Variants in ADK observed in about 807,000 individuals in gnomAD.
The protein encoded by ADK is adenosine kinase, also known as N6,N6-dimethyladenosine kinase.
In ADK, 24 loss-of-function variants were observed where a neutral mutation model predicts 44.7. The ratio of observed to expected loss-of-function variants is 0.54; its 90% CI spans 0.39 to 0.76. The LOEUF is 0.76. ADK is among the 30% of genes least tolerant of loss of function. The pLI is 0.00. For synonymous variants in ADK, 128 were observed against 142.6 expected, an observed-to-expected ratio of 0.90 and a Z score of 0.73; for missense variants, 321 against 425.1, an observed-to-expected ratio of 0.76 and a Z score of 2.15.
intron 1 of ADK, among the ~76,000 whole-genome samples, chr10:74,197,864 C>A (rs2132140874): frequency 6.6e-6 from 1 of 152,136 alleles, no homozygotes; most frequent in Non-Finnish European, 1.5e-5. Context: ...GGTAGATGTT[C>A]AAAGGTTTGA....
At chr10:74,291,600 A>G (rs1847440723) in intron 3 of ADK, among the ~76,000 whole-genome samples, 2 of 152,126 alleles carry the variant, frequency 1.3e-5, no homozygotes, top group African/African-American at 4.8e-5. Flanking sequence ...AATCTTAATG[A>G]TAATTGTCAG....
intron 7 of ADK, among the ~76,000 whole-genome samples, chr10:74,566,201 C>CTTTTTTTTTTT (rs772254919): frequency 1.8e-5 from 2 of 114,024 alleles, no homozygotes; most frequent in Non-Finnish European, 3.3e-5. Flanking sequence ...CTCTCTCTCT[C>CTTTTTTTTTTT]TTTTTTTTTT....
intron 2 of ADK, among the ~76,000 whole-genome samples, chr10:74,220,150 A>C (rs1170945655): frequency 6.6e-6 from 1 of 152,160 alleles, no homozygotes; most frequent in African/African-American, 2.4e-5. Context: ...AAAAGAAAGA[A>C]GAATCAAATA....
chr10:74,492,042 G>A (rs1014025398), intron 6 of ADK, among the ~76,000 whole-genome samples: 1 of 152,068 alleles, frequency 6.6e-6, no homozygotes, highest in African/African-American at 2.4e-5. Flanking sequence ...GCTATTGTAT[G>A]TATGTATGTA....
At chr10:74,531,658 C>T (rs566364925) in intron 7 of ADK, among the ~76,000 whole-genome samples, 4 of 152,174 alleles carry the variant, frequency 2.6e-5, no homozygotes, top group East Asian at 1.9e-4. Flanking sequence ...CTCAACCTCC[C>T]GAGAAGCTAG....
At chr10:74,592,981 A>G (rs879345752) in intron 8 of ADK, among the ~76,000 whole-genome samples, 4 of 152,246 alleles carry the variant, frequency 2.6e-5, no homozygotes, top group Admixed American at 6.5e-5. Flanking sequence ...AGGATAGAAC[A>G]TATGCATCAT....
At chr10:74,299,216 G>T (rs1030989074) in intron 3 of ADK, among the ~76,000 whole-genome samples, 3 of 151,812 alleles carry the variant, frequency 2.0e-5, no homozygotes, top group Non-Finnish European at 1.5e-5. Context: ...TGTGGAGGCC[G>T]GGCACAGTGG....
At chr10:74,500,835 A>T (rs1049438912) in intron 6 of ADK, among the ~76,000 whole-genome samples, 6 of 152,188 alleles carry the variant, frequency 3.9e-5, no homozygotes, top group Non-Finnish European at 5.9e-5. Context: ...TGCAGCAATC[A>T]GGATTTGCTT....
intron 10 of ADK, among the ~76,000 whole-genome samples, chr10:74,671,273 C>G (rs544808548): frequency 6.6e-6 from 1 of 151,290 alleles, no homozygotes; most frequent in East Asian, 1.9e-4. Flanking sequence ...TCTCAGCTCA[C>G]TGCAACCTCC....
chr10:74,626,302 A>AT (rs571501922), intron 9 of ADK, among the ~76,000 whole-genome samples: 5,083 of 139,810 alleles, frequency 0.036, 307 homozygotes, highest in African/African-American at 0.12. Context: ...AAGAGTCTAA[A>AT]TTTTTTTTTT....
chr10:74,623,067 A>G (rs541711158), intron 9 of ADK, among the ~76,000 whole-genome samples: 5 of 152,248 alleles, frequency 3.3e-5, no homozygotes, highest in South Asian at 4.1e-4. Context: ...GACTAGTCCA[A>G]TCTGTTCCAT....
At chr10:74,496,556 T>C (rs1171234371) in intron 6 of ADK, among the ~76,000 whole-genome samples, 1 of 152,234 alleles carries the variant, frequency 6.6e-6, no homozygotes, top group Non-Finnish European at 1.5e-5. Flanking sequence ...AAACTTCTTT[T>C]CTTTATAAAT....
intron 7 of ADK, among the ~76,000 whole-genome samples, chr10:74,545,864 G>T (rs887774427): frequency 1.3e-5 from 2 of 152,170 alleles, no homozygotes; most frequent in African/African-American, 2.4e-5. Flanking sequence ...TTCAAATTAA[G>T]ATAGAATTCT....
chr10:74,177,112 G>A (rs1167584064), intron 1 of ADK, among the ~76,000 whole-genome samples: 1 of 152,174 alleles, frequency 6.6e-6, no homozygotes. Context: ...GCTTGGTCGA[G>A]GTGACCCTCG....
chr10:74,298,492 C>A (rs1336841044), intron 3 of ADK, among the ~76,000 whole-genome samples: 1 of 152,124 alleles, frequency 6.6e-6, no homozygotes, highest in Non-Finnish European at 1.5e-5. Context: ...GTGGCTCACA[C>A]CTGTAACCCC....
intron 9 of ADK, among the ~76,000 whole-genome samples, chr10:74,639,560 G>T (rs1019532867): frequency 6.6e-6 from 1 of 152,124 alleles, no homozygotes; most frequent in South Asian, 2.1e-4. Context: ...AGAGAGGCTG[G>T]GCACAGTGGT....
At chr10:74,408,169 T>C (rs967333347) in intron 6 of ADK, among the ~76,000 whole-genome samples, 1 of 151,594 alleles carries the variant, frequency 6.6e-6, no homozygotes, top group Non-Finnish European at 1.5e-5. Flanking sequence ...TTTTTTTTTT[T>C]TTTAGTTGAG....
intron 7 of ADK, among the ~76,000 whole-genome samples, chr10:74,580,921 G>C (rs1407229915): frequency 6.6e-6 from 1 of 151,964 alleles, no homozygotes; most frequent in Non-Finnish European, 1.5e-5. Context: ...GTAGTTTCTA[G>C]CTACTTGAGA....
At chr10:74,503,357 T>C (rs1847943658) in intron 6 of ADK, among the ~76,000 whole-genome samples, 1 of 152,196 alleles carries the variant, frequency 6.6e-6, no homozygotes. Context: ...GTAAGAGTTT[T>C]GTGGATGTGA....
Sources: gnomAD v4.1 joint callset for allele counts (sites outside exome capture counted in the v4.1 genomes callset) on GRCh38, gnomAD v4.1.1 for gene constraint, MANE v1.5 for transcripts, NCBI Gene and HGNC (gene_info 2026-07-23, HGNC 2026-07-21) for gene names.